Variants in MROH9 observed in about 807,000 individuals in gnomAD.
The protein encoded by MROH9 is maestro heat like repeat family member 9, also known as maestro heat-like repeat-containing protein family member 9.
Under a neutral mutation model 98.2 loss-of-function variants are expected in MROH9, and 92 were observed. The observed-to-expected ratio is 0.94, with a 90% CI of 0.79 to 1.11. The LOEUF is 1.11. Among genes scored for constraint, MROH9 ranks in the 50% most tolerant of loss-of-function variants. MROH9 has a pLI of 0.00. For missense variants in MROH9, 1,057 were observed against 1,014.8 expected (o/e 1.04, Z -0.57); for synonymous variants, 397 against 368.9 (o/e 1.08, Z -0.87).
intron 15 of MROH9, among the ~76,000 whole-genome samples, chr1:171,010,855 A>C (rs1652126167): frequency 6.6e-6 from 1 of 152,050 alleles, no homozygotes; most frequent in South Asian, 2.1e-4. Context: ...CCTTTGTCAG[A>C]TGGGTAGATT....
intron 20 of MROH9, among the ~76,000 whole-genome samples, chr1:171,037,412 T>C (rs1653138577): frequency 6.6e-6 from 1 of 151,632 alleles, no homozygotes; most frequent in African/African-American, 2.4e-5. Context: ...TTAAAATACA[T>C]GCAATATTTC....
intron 3 of MROH9, 133 bp from the exon 4 acceptor site, chr1:170,958,328 T>C: frequency 2.0e-6 from 1 of 492,124 alleles, no homozygotes; most frequent in Admixed American, 3.5e-5. Flanking sequence ...CTATGAACTC[T>C]TGAGCATGTT....
chr1:170,947,896 TC>T (rs1008444034), intron 3 of MROH9, among the ~76,000 whole-genome samples: 14 of 151,992 alleles, frequency 9.2e-5, no homozygotes, highest in African/African-American at 2.7e-4. Flanking sequence ...ACTCATATTT[TC>T]CCTTCCATCA....
chr1:171,031,766 C>A (rs1418893780), intron 20 of MROH9, among the ~76,000 whole-genome samples: 3 of 152,112 alleles, frequency 2.0e-5, no homozygotes, highest in Non-Finnish European at 4.4e-5. Flanking sequence ...CAGGGTTGAT[C>A]TTCTCATGGA....
In MROH9 at chr1:171,064,486, CT is replaced by C; in HGVS notation, c.*150del. The C allele has an allele frequency of 1.3e-6, 1 of 749,460 alleles. No individual in the cohort carries two copies. The highest frequency in any genetic ancestry group is 2.0e-6 in the Non-Finnish European group (1 of 492,466). The allele number at this position is 749,460 out of a possible 1,614,324, so 46.4% of individuals were successfully genotyped here. A position where few individuals can be genotyped will look rare whatever the true frequency, so the allele number is the denominator to read the frequency against. ...ATGCTTTTCTGAAAAATTCTGGAAG[CT>C]TTTACTGTTACTTCTTAATTCTCTA... On this transcript the variant is annotated 3_prime_UTR_variant, in exon 22 of 22. Transcript: ENST00000367759.
intron 16 of MROH9, 43 bp from the exon 17 acceptor site, chr1:171,016,120 C>T (rs1465061477): frequency 6.0e-6 from 8 of 1,325,468 alleles, no homozygotes; most frequent in Non-Finnish European, 7.9e-6. Flanking sequence ...CTCAAGTCTC[C>T]TGCTAGTTCC....
intron 12 of MROH9, among the ~76,000 whole-genome samples, chr1:170,994,607 T>C (rs562543817): frequency 6.6e-6 from 1 of 151,938 alleles, no homozygotes; most frequent in African/African-American, 2.4e-5. Context: ...CTTTGAATTA[T>C]AAACAATCCA....
chr1:171,039,601 A>C lies in MROH9; in HGVS notation c.2281+14181A>C, dbSNP rs144841046. ...AGACATATCCTCCCGCTTAGCTGTG[A>C]AGAAGGCTTAAAAATCTAGTTGTTA... On this transcript the variant is annotated intron_variant, in intron 20 of 21. Transcript: ENST00000367759. Among the ~76,000 whole-genome samples, 774 of 152,308 alleles carry C rather than the reference A, an allele frequency of 5.1e-3. 6 individuals carry two copies. The highest frequency in any genetic ancestry group is 0.018 in the African/African-American group (729 of 41,576).
rs758710250 is a variant in MROH9, at chr1:170,983,468, G to A, written c.663G>A (p.Gln221=). 22 of 1,613,210 alleles carry A rather than the reference G, an allele frequency of 1.4e-5. No homozygotes were observed. Among genetic ancestry groups the A allele is most frequent in the Middle Eastern group, 1.6e-4 (1 of 6,074 alleles). Reference sequence around the variant, plus strand: ...CAAACGGTAAAAGTCATAGCCTCCAGTTTCCTTCTTCTGATGTAGAATTTC... The same window carrying A: ...CAAACGGTAAAAGTCATAGCCTCCAATTTCCTTCTTCTGATGTAGAATTTC... ...KPTNGKSHSL[Q]FPSSDVEFLP... The change falls in exon 9 of 22, where the codon CAG becomes CAA. Residue 221 remains glutamine, a synonymous_variant. Coordinates refer to ENST00000367759, the MANE Select transcript of MROH9 (RefSeq NM_001163629.2).
At chr1:170,945,803 T>C (rs933384346) in intron 2 of MROH9, among the ~76,000 whole-genome samples, 2 of 152,034 alleles carry the variant, frequency 1.3e-5, no homozygotes, top group Non-Finnish European at 2.9e-5. Flanking sequence ...GAAGACATAT[T>C]CTCTGATTAC....
intron 3 of MROH9, among the ~76,000 whole-genome samples, chr1:170,953,752 G>GAAAAC (rs765641002): frequency 7.2e-6 from 1 of 139,594 alleles, no homozygotes; most frequent in South Asian, 2.3e-4. Flanking sequence ...GAAAAGAAAA[G>GAAAAC]AAAAGAAAGA....
intron 7 of MROH9, among the ~76,000 whole-genome samples, chr1:170,970,987 T>A (rs1026863405): frequency 6.6e-6 from 1 of 152,112 alleles, no homozygotes; most frequent in Admixed American, 6.5e-5. Context: ...AAATCTACAT[T>A]TAATCAGAGC....
chr1:170,978,486 G>A (rs1483938516), intron 8 of MROH9, among the ~76,000 whole-genome samples: 1 of 151,728 alleles, frequency 6.6e-6, no homozygotes, highest in African/African-American at 2.4e-5. Flanking sequence ...GGTGAGGAGT[G>A]GGGGTTGGGT....
At chr1:171,032,257 C>T (rs1652942377) in intron 20 of MROH9, among the ~76,000 whole-genome samples, 1 of 152,120 alleles carries the variant, frequency 6.6e-6, no homozygotes, top group Admixed American at 6.5e-5. Context: ...TTTTATTACC[C>T]ATCTTCTGAA....
chr1:170,947,394 G>C, intron 2 of MROH9, 133 bp from the exon 3 acceptor site: 1 of 664,496 alleles, frequency 1.5e-6, no homozygotes, highest in Non-Finnish European at 2.7e-6. Context: ...TATAGTTTTA[G>C]TGTGTGTGTG....
intron 1 of MROH9, among the ~76,000 whole-genome samples, chr1:170,940,406 G>C (rs1225824531): frequency 2.6e-5 from 4 of 152,174 alleles, no homozygotes; most frequent in Admixed American, 6.5e-5. Context: ...TTTGTGGATG[G>C]GGAAGTGATT....
intron 10 of MROH9, 80 bp from the exon 11 acceptor site, chr1:170,989,775 C>A: frequency 7.5e-7 from 1 of 1,325,358 alleles, no homozygotes; most frequent in Non-Finnish European, 1.0e-6. Flanking sequence ...AAAGTGAATT[C>A]TTATGTCCAA....
chr1:171,015,040 T>A lies in MROH9; in HGVS notation c.1734+786T>A, dbSNP rs1257392002. 6.4e-6 allele frequency: 3 copies of A among 471,884 alleles called. No individual in the cohort carries two copies. In the East Asian group the frequency reaches 2.1e-4, roughly 33 times the overall value. The allele number at this position is 471,884 out of a possible 1,614,324, so 29.2% of individuals were successfully genotyped here. ...CTGAATTTAAGCACGTTCCATTTTC[T>A]GTAATTCTACACTCCAAAGTATCTT... is the stretch of plus-strand genomic sequence containing the variant. On this transcript the variant is annotated intron_variant, in intron 16 of 21. Transcript: ENST00000367759.
chr1:171,049,015 C>T (rs1459895241), intron 20 of MROH9, among the ~76,000 whole-genome samples: 1 of 152,094 alleles, frequency 6.6e-6, no homozygotes. Flanking sequence ...GAGCTGGTAT[C>T]CAACATGCAA....
Sources: gnomAD v4.1 joint callset for allele counts (sites outside exome capture counted in the v4.1 genomes callset) on GRCh38, gnomAD v4.1.1 for gene constraint, MANE v1.5 for transcripts, NCBI Gene and HGNC (gene_info 2026-07-23, HGNC 2026-07-21) for gene names.